The following DERA variants were observed in gnomAD, a reference collection of about 807,000 sequenced individuals.
DERA encodes deoxyribose-phosphate aldolase, also known as 2-deoxy-D-ribose 5-phosphate aldolase.
In DERA, 15 loss-of-function variants were observed where a neutral mutation model predicts 41.1. The observed-to-expected ratio is 0.37, with a 90% confidence interval of 0.24 to 0.56. The LOEUF (loss-of-function observed/expected upper bound fraction) is 0.56, where lower values mean the gene tolerates loss of function less well. DERA is among the 20% of genes least tolerant of loss of function. The pLI, the probability that DERA is intolerant of heterozygous loss-of-function variation, is 0.81. For missense variants in DERA, 396 were observed against 403.4 expected (o/e 0.98, Z 0.16); for synonymous variants, 139 against 137.4 (o/e 1.01, Z -0.08).
chr12:15,940,148 A>C lies in DERA; in HGVS notation c.32-16788A>C, dbSNP rs2136135695. On this transcript the variant is annotated intron_variant, in intron 1 of 8. Transcript: ENST00000428559. This position sits in a 1 kb window ranked among gnomAD's most constrained non-coding sequence, Gnocchi z 5.1. ...TTTAACTGAATTTATAGTGGTAGTCACAACAATGTCAGTTATTTTATCTTC... is the reference window on the plus strand; with the variant it reads ...TTTAACTGAATTTATAGTGGTAGTCCCAACAATGTCAGTTATTTTATCTTC... Among the ~76,000 whole-genome samples the C allele has an allele frequency of 6.6e-6, 1 of 152,316 alleles. No individual in the cohort carries two copies. Among genetic ancestry groups the C allele is most frequent in the Admixed American group, 6.5e-5 (1 of 15,306 alleles).
rs1189638302 is a variant in DERA, at chr12:15,940,471, CCT to C, written c.32-16461_32-16460del. On this transcript the variant is annotated intron_variant, in intron 1 of 8. Coordinates refer to ENST00000428559, the MANE Select transcript of DERA (RefSeq NM_015954.4). The surrounding 1 kb of genome is among the most constrained non-coding windows in gnomAD (Gnocchi z 5.1). ...GGTTCAAACGATTCTTCTGCCTCAG[CCT>C]CTCGAGTAGCTGGGACTACAGGCGC... Among the ~76,000 whole-genome samples the C allele has an allele frequency of 1.6e-4, 25 of 152,216 alleles. No homozygotes were observed. The highest frequency in any genetic ancestry group is 4.3e-4 in the African/African-American group (18 of 41,514).
At chr12:15,917,018 C>G (rs1050600937) in intron 1 of DERA, among the ~76,000 whole-genome samples, 10 of 152,116 alleles carry the variant, frequency 6.6e-5, no homozygotes, top group African/African-American at 1.9e-4. Context: ...TGGAGTTTCT[C>G]TTAGTAGTTT....
chr12:15,961,900 C>T (rs1948590858), intron 4 of DERA, among the ~76,000 whole-genome samples: 5 of 152,152 alleles, frequency 3.3e-5, no homozygotes. Flanking sequence ...TGCACCACCA[C>T]ACCAGGCTAA....
At chr12:16,032,719 G>T (rs991710202) in intron 7 of DERA, 65 bp downstream of exon 7, 12 of 983,492 alleles carry the variant, frequency 1.2e-5, no homozygotes, top group Non-Finnish European at 1.9e-5. Flanking sequence ...ACTAGTTACA[G>T]CCACAATAAC....
intron 5 of DERA, among the ~76,000 whole-genome samples, chr12:15,968,761 CCAGATG>C (rs1368960747): frequency 7.2e-5 from 11 of 152,148 alleles, no homozygotes; most frequent in Non-Finnish European, 1.3e-4. Context: ...GTTGCTTGGC[CCAGATG>C]CAGCCCTCCT....
chr12:15,961,318 T>G (rs1057277464), intron 4 of DERA, among the ~76,000 whole-genome samples: 4 of 152,138 alleles, frequency 2.6e-5, no homozygotes, highest in Non-Finnish European at 5.9e-5. Context: ...GATGGATGAA[T>G]AGACAGATAT....
intron 6 of DERA, among the ~76,000 whole-genome samples, chr12:16,028,271 G>A (rs2136188180): frequency 6.6e-6 from 1 of 152,290 alleles, no homozygotes; most frequent in South Asian, 2.1e-4. Flanking sequence ...TCCACATGAT[G>A]CAAAGGCATA....
chr12:15,925,215 A>T (rs1445502176), intron 1 of DERA, among the ~76,000 whole-genome samples: 1 of 152,112 alleles, frequency 6.6e-6, no homozygotes, highest in East Asian at 1.9e-4. Context: ...CCTGTTTAGA[A>T]TGCCTCTTGA....
Position 16,009,698 on chromosome 12 carries a change from T to A in DERA, c.638-22844T>A, listed in dbSNP as rs924881432. Among the ~76,000 whole-genome samples, 1 of 152,238 alleles carries A rather than the reference T, an allele frequency of 6.6e-6. No individual in the cohort carries two copies. Among genetic ancestry groups the A allele is most frequent in the Non-Finnish European group, 1.5e-5 (1 of 68,050 alleles). On this transcript the variant is annotated intron_variant, in intron 6 of 8. Coordinates refer to ENST00000428559, the MANE Select transcript of DERA (RefSeq NM_015954.4). This position sits in a 1 kb window ranked among gnomAD's most constrained non-coding sequence, Gnocchi z 5.3. ...TTATCCATGTATTCATTTTGGATTTTGACATTTAATAACCTTCCTGAAATA... is the reference window on the plus strand; with the variant it reads ...TTATCCATGTATTCATTTTGGATTTAGACATTTAATAACCTTCCTGAAATA...
rs948619050 is a variant in DERA at position 15,998,379 on chromosome 12, C to T, written c.637+15943C>T. On this transcript the variant is annotated intron_variant, in intron 6 of 8. Coordinates refer to ENST00000428559, the MANE Select transcript of DERA (RefSeq NM_015954.4). The surrounding 1 kb of genome is among the most constrained non-coding windows in gnomAD (Gnocchi z 4.8). The stretch of plus-strand genomic sequence containing the variant: ...GTCGCCCAGGCTAGAGTGCAATGGC[C>T]GGATCTTGGCTCACGGCAACCTCCG... 2.6e-5 allele frequency among the ~76,000 whole-genome samples: 4 copies of T among 151,842 alleles called. No homozygotes were observed. The highest frequency in any genetic ancestry group is 6.6e-5 in the Admixed American group (1 of 15,238).
Position 15,988,962 on chromosome 12 carries a change from C to T in DERA, c.637+6526C>T, listed in dbSNP as rs552969900. Among the ~76,000 whole-genome samples the T allele has an allele frequency of 1.3e-5, 2 of 152,358 alleles. No individual in the cohort carries two copies. The highest frequency in any genetic ancestry group is 1.9e-4 in the East Asian group (1 of 5,182). On this transcript the variant is annotated intron_variant, in intron 6 of 8. Coordinates refer to ENST00000428559, the MANE Select transcript of DERA (RefSeq NM_015954.4). This position sits in a 1 kb window ranked among gnomAD's most constrained non-coding sequence, Gnocchi z 6.0. The stretch of plus-strand genomic sequence containing the variant: ...AATGTGTGCACACTCAGCCAGATTG[C>T]GGCAGCATCCAGGCTCAGCCACAGC...
chr12:16,022,181 C>T (rs973784300), intron 6 of DERA, among the ~76,000 whole-genome samples: 25 of 152,184 alleles, frequency 1.6e-4, no homozygotes, highest in Admixed American at 9.8e-4. Context: ...TTAGCACCAT[C>T]CCCTTGGTGA....
At chr12:15,947,596 G>A (rs567439035) in intron 1 of DERA, among the ~76,000 whole-genome samples, 28 of 152,154 alleles carry the variant, frequency 1.8e-4, no homozygotes, top group African/African-American at 6.7e-4. Flanking sequence ...TTCATCCTAT[G>A]TGTGTCTCTG....
At chr12:15,926,975 T>C (rs887533501) in intron 1 of DERA, among the ~76,000 whole-genome samples, 1 of 152,192 alleles carries the variant, frequency 6.6e-6, no homozygotes, top group African/African-American at 2.4e-5. Context: ...GTTTTTGTTT[T>C]GTGGTTCAAA....
chr12:15,916,208 GT>G (rs2136121945), intron 1 of DERA: 1 of 152,286 alleles, frequency 6.6e-6, no homozygotes, highest in East Asian at 1.9e-4. Context: ...TGTTAGTGAA[GT>G]TTTCAAGGAT....
rs1948359071 is a variant in DERA at position 15,935,582 on chromosome 12, A to G, written c.32-21354A>G. Among the ~76,000 whole-genome samples, 1 of 152,214 alleles carries G rather than the reference A, an allele frequency of 6.6e-6. No individual in the cohort carries two copies. Among genetic ancestry groups the G allele is most frequent in the Non-Finnish European group, 1.5e-5 (1 of 68,038 alleles). On this transcript the variant is annotated intron_variant, in intron 1 of 8. Transcript: ENST00000428559. The surrounding 1 kb of genome is among the most constrained non-coding windows in gnomAD (Gnocchi z 4.8). Reference sequence around the variant, plus strand: ...CACATATCTGTACCAGTTTCAGTGTAATTTGATTTATTTATTTTTATTAGT... The same window carrying G: ...CACATATCTGTACCAGTTTCAGTGTGATTTGATTTATTTATTTTTATTAGT...
intron 6 of DERA, among the ~76,000 whole-genome samples, chr12:16,028,407 A>C (rs985484891): frequency 2.0e-5 from 3 of 152,262 alleles, no homozygotes; most frequent in Non-Finnish European, 2.9e-5. Flanking sequence ...TACTGATATT[A>C]AGTAAATTAT....
In DERA at chr12:16,008,952, A is replaced by G. The variant is rs1465486297; in HGVS notation, c.638-23590A>G. 1.3e-5 allele frequency among the ~76,000 whole-genome samples: 2 copies of G among 152,246 alleles called. No homozygotes were observed. The highest frequency in any genetic ancestry group is 2.9e-5 in the Non-Finnish European group (2 of 68,046). ...TGGTCTGATGTAGAGGCAGAAGTGC[A>G]TAGCAGTTAAAAGCCTGGACTTTGA... On this transcript the variant is annotated intron_variant, in intron 6 of 8. Coordinates refer to ENST00000428559, the MANE Select transcript of DERA (RefSeq NM_015954.4). The surrounding 1 kb of genome is among the most constrained non-coding windows in gnomAD (Gnocchi z 4.8).
chr12:15,968,022 C>T (rs976993325), intron 5 of DERA, among the ~76,000 whole-genome samples: 2 of 151,610 alleles, frequency 1.3e-5, no homozygotes, highest in African/African-American at 4.9e-5. Context: ...TGATTTTGTT[C>T]TCCTTCCCCA....
Sources: allele counts gnomAD v4.1 joint callset (sites outside exome capture counted in the v4.1 genomes callset), GRCh38; gene constraint gnomAD v4.1.1; non-coding constraint Gnocchi (gnomAD v3.1); transcripts MANE v1.5; gene names NCBI Gene and HGNC (gene_info 2026-07-23, HGNC 2026-07-21).